Variants in CDK5RAP1 observed in about 807,000 individuals in gnomAD.
CDK5RAP1 encodes mitochondrial tRNA methylthiotransferase CDK5RAP1.
CDK5RAP1 carries 62 observed loss-of-function variants against 64.5 expected under a neutral mutation model. The observed-to-expected ratio is 0.96, with a 90% CI of 0.78 to 1.19. The LOEUF (loss-of-function observed/expected upper bound fraction) is 1.19. CDK5RAP1 is among the 50% of genes most tolerant of loss of function. CDK5RAP1 has a pLI of 0.00. For synonymous variants in CDK5RAP1, 250 were observed against 261.9 expected, an observed-to-expected ratio of 0.95 and a Z score of 0.44; for missense variants, 657 against 735.0, an observed-to-expected ratio of 0.89 and a Z score of 1.23.
chr20:33,393,176 C>T (rs927667707), intron 4 of CDK5RAP1, among the ~76,000 whole-genome samples: 1 of 152,012 alleles, frequency 6.6e-6, no homozygotes, highest in East Asian at 1.9e-4. Flanking sequence ...CCGTGCCTGG[C>T]CAGCAATTTA....
intron 1 of CDK5RAP1, among the ~76,000 whole-genome samples, chr20:33,397,320 G>T (rs373253710): frequency 6.6e-6 from 1 of 152,222 alleles, no homozygotes; most frequent in African/African-American, 2.4e-5. Context: ...AAAACAAGGG[G>T]TGGTAGAGAT....
intron 10 of CDK5RAP1, among the ~76,000 whole-genome samples, chr20:33,370,940 C>T (rs1486228966): frequency 6.6e-6 from 1 of 152,114 alleles, no homozygotes; most frequent in African/African-American, 2.4e-5. Context: ...CAGTGAAAAC[C>T]TTGTGGTGCT....
intron 7 of CDK5RAP1, among the ~76,000 whole-genome samples, chr20:33,383,091 G>C (rs1054125410): frequency 6.6e-6 from 1 of 151,882 alleles, no homozygotes; most frequent in South Asian, 2.1e-4. Flanking sequence ...TGAGGCAGGA[G>C]AATCACTTGA....
At chr20:33,391,690 C>T (rs899543899) in intron 5 of CDK5RAP1, among the ~76,000 whole-genome samples, 2 of 152,070 alleles carry the variant, frequency 1.3e-5, no homozygotes, top group Non-Finnish European at 2.9e-5. Context: ...CATGGTGGTG[C>T]AAGCCTGTAA....
chr20:33,374,116 C>A lies in CDK5RAP1; in HGVS notation c.1204G>T (p.Gly402Ter), dbSNP rs778916555. Residue 402 changes from glycine to a stop codon, truncating the protein, a stop_gained and splice_region_variant, in exon 9 of 14, where the codon GGA becomes TGA. Coordinates refer to ENST00000346416, the MANE Select transcript of CDK5RAP1 (RefSeq NM_016408.4). LOFTEE classifies it high-confidence loss of function. ...GCCCCCTCTCCAAGCAAGCCTGACC[C>A]CCTCCGCATGGCCTCCAACACACGG... is the stretch of plus-strand genomic sequence containing the variant. Reference protein sequence around the residue: ...SSRVLEAMRRGYSREAYVELV... With the variant: ...SSRVLEAMRR The A allele has an allele frequency of 6.2e-7, 1 of 1,610,364 alleles. No homozygotes were observed. Among genetic ancestry groups the A allele is most frequent in the Admixed American group, 1.7e-5 (1 of 60,014 alleles).
chr20:33,379,881 A>G (rs1166492247), intron 7 of CDK5RAP1, among the ~76,000 whole-genome samples, 190 bp from the exon 8 acceptor site: 2 of 152,220 alleles, frequency 1.3e-5, no homozygotes, highest in East Asian at 3.8e-4. Flanking sequence ...TCTTACCTAA[A>G]GAGCTAAACC....
At chr20:33,398,880 C>G (rs1321160540) in intron 1 of CDK5RAP1, among the ~76,000 whole-genome samples, 2 of 152,028 alleles carry the variant, frequency 1.3e-5, no homozygotes, top group Non-Finnish European at 2.9e-5. Context: ...AAGCCATAAT[C>G]GCACCACTGC....
intron 2 of CDK5RAP1, among the ~76,000 whole-genome samples, 175 bp from the exon 3 acceptor site, chr20:33,395,291 T>C (rs773810331): frequency 3.3e-5 from 5 of 152,136 alleles, no homozygotes; most frequent in Non-Finnish European, 7.4e-5. Context: ...CCCAAGTTAA[T>C]GATAGACCTT....
intron 8 of CDK5RAP1, among the ~76,000 whole-genome samples, chr20:33,377,129 T>C (rs1039887556): frequency 1.3e-5 from 2 of 152,156 alleles, no homozygotes; most frequent in African/African-American, 4.8e-5. Flanking sequence ...TGAGGTCAGG[T>C]GTTCAAGACC....
At position 33,385,671 on chromosome 20, in the gene CDK5RAP1, T is replaced by G; in HGVS notation, c.855A>C (p.Glu285Asp). 1.2e-6 allele frequency: 2 copies of G among 1,614,156 alleles called. No homozygotes were observed. The highest frequency in any genetic ancestry group is 8.5e-7 in the Non-Finnish European group (1 of 1,180,000). The change falls in exon 7 of 14, where the codon GAA becomes GAC. Residue 285 changes from glutamate (E) to aspartate (D), a missense_variant. Glu to Asp is a conservative substitution (Grantham distance 45). Transcript: ENST00000346416. ...TCACCTGCTCAGAAAGCTTCTTCAC[T>G]TCCTCTAGAATGGAGGCAATAGGCC... ...RSRPIASILEEVKKLSEQGLK... is the reference protein window; with the variant it reads ...RSRPIASILEDVKKLSEQGLK...
intron 8 of CDK5RAP1, among the ~76,000 whole-genome samples, chr20:33,379,010 T>C (rs1188442636): frequency 2.0e-5 from 3 of 152,036 alleles, no homozygotes; most frequent in African/African-American, 7.2e-5. Context: ...AGTGCAGTGG[T>C]GCGATCTCGG....
intron 11 of CDK5RAP1, 93 bp from the exon 12 acceptor site, chr20:33,367,101 C>T: frequency 8.0e-7 from 1 of 1,251,292 alleles, no homozygotes; most frequent in Admixed American, 2.3e-5. Context: ...GTTCATTCTA[C>T]CTACAAGTAA....
chr20:33,376,386 G>C (rs1292625039), intron 8 of CDK5RAP1, among the ~76,000 whole-genome samples: 1 of 152,124 alleles, frequency 6.6e-6, no homozygotes, highest in Non-Finnish European at 1.5e-5. Context: ...GCCTGGGCTG[G>C]TGTCCAACTT....
intron 12 of CDK5RAP1, among the ~76,000 whole-genome samples, chr20:33,363,312 T>C (rs1983271395): frequency 6.6e-6 from 1 of 152,152 alleles, no homozygotes; most frequent in South Asian, 2.1e-4. Flanking sequence ...CTAAACCAAA[T>C]CCTTTTCCTA....
chr20:33,359,196 G>C lies in CDK5RAP1; in HGVS notation c.1684-73C>G, dbSNP rs193301001. The C allele has an allele frequency of 6.9e-5, 79 of 1,145,140 alleles. No individual in the cohort carries two copies. The East Asian group carries it at 1.4e-3, about 20-fold the overall frequency. The allele number at this position is 1,145,140 out of a possible 1,614,324, so 70.9% of individuals were successfully genotyped here. A position where few individuals can be genotyped will look rare whatever the true frequency, so the allele number is the denominator to read the frequency against. ...ACTGGGACTTCATGTGGAGCCTCTA[G>C]AGGAGAAGCCCCCAAAAGGAATCTG... On this transcript the variant is annotated intron_variant, in intron 13 of 13. Coordinates refer to ENST00000346416, the MANE Select transcript of CDK5RAP1 (RefSeq NM_016408.4).
chr20:33,360,214 T>A (rs1982635610), intron 13 of CDK5RAP1, 137 bp downstream of exon 13: 1 of 713,174 alleles, frequency 1.4e-6, no homozygotes, highest in Admixed American at 3.0e-5. Flanking sequence ...CAATCCAAAG[T>A]GCCCTTCCAT....
intron 12 of CDK5RAP1, among the ~76,000 whole-genome samples, chr20:33,362,693 A>G (rs1309536633): frequency 6.6e-6 from 1 of 152,206 alleles, no homozygotes; most frequent in Non-Finnish European, 1.5e-5. Flanking sequence ...AATAGTACAA[A>G]AGGAGGAGGA....
chr20:33,360,144 C>T lies in CDK5RAP1; in HGVS notation c.1683+207G>A, dbSNP rs41309312. The T allele has an allele frequency of 4.2e-3, 2,383 of 563,792 alleles. 10 individuals are homozygous for T. The highest frequency in any genetic ancestry group is 4.9e-3 in the Non-Finnish European group (1,577 of 320,250). 34.9% of individuals were successfully genotyped at this position (563,792 alleles called of 1,614,324 possible). The stretch of plus-strand genomic sequence containing the variant: ...CACCAAATTCCCACAAAGAACGCTT[C>T]CAGGGCAGGAGAATAGGTAAGAAGA... On this transcript the variant is annotated intron_variant, in intron 13 of 13. Coordinates refer to ENST00000346416, the MANE Select transcript of CDK5RAP1 (RefSeq NM_016408.4).
rs1395188183 is a variant in CDK5RAP1 at position 33,379,597 on chromosome 20, C to T, written c.971G>A (p.Ser324Asn). 1 of 1,614,072 alleles carries T rather than the reference C, an allele frequency of 6.2e-7. No individual in the cohort carries two copies. The highest frequency in any genetic ancestry group is 8.5e-7 in the Non-Finnish European group (1 of 1,179,972). The change falls in exon 8 of 14, where the codon AGT becomes AAT. Residue 324 changes from serine to asparagine, a missense_variant. Physicochemically the swap from Ser to Asn is conservative, Grantham distance 46. Coordinates refer to ENST00000346416, the MANE Select transcript of CDK5RAP1 (RefSeq NM_016408.4). Reference sequence around the variant, plus strand: ...TTTATAGTTGGTGGTAAAGCCACGACTGAGATTGGTAGGCACTGCACTGTT... The same window carrying T: ...TTTATAGTTGGTGGTAAAGCCACGATTGAGATTGGTAGGCACTGCACTGTT... ...QFNSAVPTNL[S>N]RGFTTNYKTK...
Sources: allele counts gnomAD v4.1 joint callset (sites outside exome capture counted in the v4.1 genomes callset), GRCh38; gene constraint gnomAD v4.1.1; transcripts MANE v1.5; gene names NCBI Gene and HGNC (gene_info 2026-07-23, HGNC 2026-07-21).